Variants in ZNF516 observed in about 807,000 individuals in gnomAD.
The protein encoded by ZNF516 is zinc finger protein 516.
ZNF516 carries 19 observed loss-of-function variants against 79.7 expected under a neutral mutation model. That is an observed-to-expected ratio of 0.24 (90% CI 0.17 to 0.35). The LOEUF is 0.35. Among genes scored for constraint, ZNF516 ranks in the 10% least tolerant of loss-of-function variants. The pLI is 1.00. For missense variants in ZNF516, 1,678 were observed against 1,679.5 expected (o/e 1.00, Z 0.02); for synonymous variants, 877 against 739.5 (o/e 1.19, Z -3.02).
intron 3 of ZNF516, among the ~76,000 whole-genome samples, chr18:76,383,126 A>C (rs1300011676): frequency 6.6e-6 from 1 of 151,810 alleles, no homozygotes; most frequent in Admixed American, 6.6e-5. Flanking sequence ...CCTCTGGAAC[A>C]CACAGACCCT....
chr18:76,466,583 C>T (rs113567313), intron 1 of ZNF516, among the ~76,000 whole-genome samples: 2,018 of 152,334 alleles, frequency 0.013, 35 homozygotes, highest in African/African-American at 0.036. Flanking sequence ...GCCGGGGCCG[C>T]GCATCTCCAG....
chr18:76,443,047 C>A lies in ZNF516; in HGVS notation c.8G>T (p.Arg3Leu). Reference protein sequence around the residue: MDRNREAEMELRR... With the variant: MDLNREAEMELRR... ...CAGCTCCATCTCGGCCTCTCTGTTG[C>A]GATCCATCCGAAGGACGGGCGCGGC... Residue 3 changes from arginine (R) to leucine (L), a missense_variant, in exon 3 of 7, where the codon CGC becomes CTC. Arg to Leu is a moderately radical substitution (Grantham distance 102). This residue lies in a region of ZNF516 where 62 missense variants were observed against 58.9 expected (regional missense o/e 1.05). Coordinates refer to ENST00000443185, the MANE Select transcript of ZNF516 (RefSeq NM_014643.4). 1.3e-6 allele frequency: 2 copies of A among 1,587,728 alleles called. No homozygotes were observed. The highest frequency in any genetic ancestry group is 1.7e-5 in the Admixed American group (1 of 57,700).
At chr18:76,374,046 A>G (rs2074748704) in intron 4 of ZNF516, among the ~76,000 whole-genome samples, 2 of 152,264 alleles carry the variant, frequency 1.3e-5, no homozygotes, top group African/African-American at 2.4e-5. Context: ...GCGTGTCATT[A>G]TGTGGTGCTG....
Position 76,441,633 on chromosome 18 carries a change from C to T in ZNF516, c.1422G>A (p.Gln474=). 6.5e-7 allele frequency: 1 copy of T among 1,527,394 alleles called. No homozygotes were observed. The highest frequency in any genetic ancestry group is 8.8e-7 in the Non-Finnish European group (1 of 1,137,438). The allele number at this position is 1,527,394 out of a possible 1,614,324, so 94.6% of individuals were successfully genotyped here. ...CGCTCGCGCGCTTCCGCGGGGGCCC[C>T]TGCGCGGCTGGTGCATCCTGCTCAC... ...RKREQDAPAA[Q]GPPRKRASGP... The change falls in exon 3 of 7, where the codon CAG becomes CAA. Residue 474 remains glutamine (Q), a synonymous_variant. Transcript: ENST00000443185.
chr18:76,396,985 T>C (rs1599178936), intron 3 of ZNF516, among the ~76,000 whole-genome samples: 1 of 152,160 alleles, frequency 6.6e-6, no homozygotes, highest in South Asian at 2.1e-4. Context: ...GATCTGGAAG[T>C]TCTCCTCCTG....
intron 3 of ZNF516, among the ~76,000 whole-genome samples, chr18:76,432,314 T>G (rs2075671065): frequency 6.6e-6 from 1 of 151,342 alleles, no homozygotes; most frequent in Admixed American, 6.6e-5. Context: ...GTGGAAAGCC[T>G]CAGTACTGTC....
chr18:76,399,313 G>A (rs2075187271), intron 3 of ZNF516, among the ~76,000 whole-genome samples: 1 of 152,206 alleles, frequency 6.6e-6, no homozygotes, highest in African/African-American at 2.4e-5. Context: ...CTTTTGATCT[G>A]CATCTTACAT....
chr18:76,474,934 C>CA (rs1914089463), intron 1 of ZNF516, among the ~76,000 whole-genome samples: 1 of 152,044 alleles, frequency 6.6e-6, no homozygotes, highest in South Asian at 2.1e-4. Context: ...CACTCAGGGA[C>CA]AAAAAAAGTA....
chr18:76,461,869 C>T lies in ZNF516; in HGVS notation c.-158+1159G>A, dbSNP rs555703749. Reference sequence around the variant, plus strand: ...GCCATGGGCCGGACCAGCTAGCAGGCGAGAAACCCTGGGCAGCCTCACCTG... The same window carrying T: ...GCCATGGGCCGGACCAGCTAGCAGGTGAGAAACCCTGGGCAGCCTCACCTG... On this transcript the variant is annotated intron_variant, in intron 2 of 6. Transcript: ENST00000443185. Among the ~76,000 whole-genome samples, 5 of 152,316 alleles carry T rather than the reference C, an allele frequency of 3.3e-5. No individual in the cohort carries two copies. In the East Asian group the frequency reaches 5.8e-4, roughly 18 times the overall value.
intron 5 of ZNF516, 125 bp downstream of exon 5, chr18:76,371,342 G>A: frequency 1.0e-6 from 1 of 958,414 alleles, no homozygotes; most frequent in South Asian, 1.6e-5. Context: ...CAGATGGCAG[G>A]CCCCCCGCCG....
chr18:76,496,178 G>A, upstream of ZNF516: 1 of 1,055,776 alleles, frequency 9.5e-7, no homozygotes, highest in South Asian at 1.6e-5. Context: ...GCGGGGGAGG[G>A]GCGGGTCGGA....
At chr18:76,417,423 CA>C (rs1264142941) in intron 3 of ZNF516, among the ~76,000 whole-genome samples, 1 of 152,198 alleles carries the variant, frequency 6.6e-6, no homozygotes, top group African/African-American at 2.4e-5. Flanking sequence ...GGGGAAACAT[CA>C]ATGACTTTTG....
chr18:76,478,838 T>C (rs925270773), intron 1 of ZNF516, among the ~76,000 whole-genome samples: 1 of 152,140 alleles, frequency 6.6e-6, no homozygotes, highest in East Asian at 1.9e-4. Context: ...GGCAGATCCC[T>C]TGAGGTCAGG....
At chr18:76,473,696 G>A (rs1383017668) in intron 1 of ZNF516, among the ~76,000 whole-genome samples, 1 of 151,832 alleles carries the variant, frequency 6.6e-6, no homozygotes, top group Non-Finnish European at 1.5e-5. Context: ...AGCTACTTGG[G>A]AAGCTGAGGC....
intron 1 of ZNF516, chr18:76,490,849 C>T: frequency 2.0e-6 from 2 of 985,492 alleles, no homozygotes; most frequent in East Asian, 1.1e-4. Flanking sequence ...CAGGGGACAC[C>T]CCTGGAAGGC....
chr18:76,492,086 A>T, intron 1 of ZNF516: 3 of 880,284 alleles, frequency 3.4e-6, no homozygotes, highest in Non-Finnish European at 4.1e-6. Flanking sequence ...GGTCCCTCCC[A>T]GGGGTCTCCC....
intron 2 of ZNF516, among the ~76,000 whole-genome samples, chr18:76,456,125 G>A (rs570591831): frequency 3.9e-5 from 6 of 152,138 alleles, no homozygotes; most frequent in Non-Finnish European, 5.9e-5. Context: ...ATCAGTGCTC[G>A]CCCCTCTTCT....
chr18:76,395,152 T>C (rs2075127474), intron 3 of ZNF516, among the ~76,000 whole-genome samples: 1 of 152,156 alleles, frequency 6.6e-6, no homozygotes, highest in African/African-American at 2.4e-5. Flanking sequence ...AGGGAACAAA[T>C]GTTAAACACA....
At chr18:76,405,181 C>G (rs1472656216) in intron 3 of ZNF516, among the ~76,000 whole-genome samples, 1 of 152,224 alleles carries the variant, frequency 6.6e-6, no homozygotes, top group African/African-American at 2.4e-5. Flanking sequence ...AGGGTCTGCA[C>G]TGGCACCACA....
Sources: gnomAD v4.1 joint callset for allele counts (sites outside exome capture counted in the v4.1 genomes callset) on GRCh38, gnomAD v4.1.1 for gene constraint, gnomAD v4.1.1 regional missense constraint, MANE v1.5 for transcripts, NCBI Gene and HGNC (gene_info 2026-07-23, HGNC 2026-07-21) for gene names.